MMD2: variants seen among roughly 807,000 people sequenced by gnomAD.
MMD2 encodes monocyte to macrophage differentiation factor 2.
Under a neutral mutation model 33.5 loss-of-function variants are expected in MMD2, and 30 were observed. The observed-to-expected ratio is 0.90, with a 90% CI of 0.67 to 1.22. The LOEUF (loss-of-function observed/expected upper bound fraction) is 1.22, where lower values mean the gene tolerates loss of function less well. Among genes scored for constraint, MMD2 ranks in the 50% most tolerant of loss-of-function variants. The pLI is 0.00. For missense variants in MMD2, 364 were observed against 325.4 expected (o/e 1.12, Z -0.91); for synonymous variants, 129 against 123.0 (o/e 1.05, Z -0.32).
At chr7:4,908,781 C>T (rs535458543) in intron 6 of MMD2, among the ~76,000 whole-genome samples, 99 of 151,702 alleles carry the variant, frequency 6.5e-4, no homozygotes, top group Non-Finnish European at 1.1e-3. Context: ...CCTGTAATCC[C>T]AGCTACTCAG....
intron 6 of MMD2, among the ~76,000 whole-genome samples, chr7:4,908,665 A>G (rs917731466): frequency 2.6e-5 from 4 of 151,394 alleles, no homozygotes; most frequent in East Asian, 2.0e-4. Context: ...TTTGGAGGCT[A>G]AGGAGGGCGG....
chr7:4,928,277 C>T (rs752090361), intron 1 of MMD2, among the ~76,000 whole-genome samples: 1 of 152,172 alleles, frequency 6.6e-6, no homozygotes, highest in Non-Finnish European at 1.5e-5. Flanking sequence ...ATATGGGTCA[C>T]TAAGCATTTA....
intron 1 of MMD2, among the ~76,000 whole-genome samples, chr7:4,957,270 A>G (rs1437893738): frequency 1.3e-5 from 2 of 151,824 alleles, no homozygotes; most frequent in Non-Finnish European, 2.9e-5. Flanking sequence ...GCTCAAGCCC[A>G]GGAATTTGAG....
At chr7:4,904,806 A>T (rs1476081337), downstream of MMD2, among the ~76,000 whole-genome samples, 1 of 152,136 alleles carries the variant, frequency 6.6e-6, no homozygotes, top group African/African-American at 2.4e-5. Flanking sequence ...GTCCAGCAAG[A>T]CACAGTCCCT....
At chr7:4,952,140 A>G (rs1786262050) in intron 1 of MMD2, among the ~76,000 whole-genome samples, 1 of 152,220 alleles carries the variant, frequency 6.6e-6, no homozygotes, top group Non-Finnish European at 1.5e-5. Flanking sequence ...CCCTTGGGGA[A>G]CACAAGAGGG....
At chr7:4,920,040 G>C (rs905114832) in intron 3 of MMD2, 131 bp downstream of exon 3, 13 of 1,119,572 alleles carry the variant, frequency 1.2e-5, no homozygotes, top group Non-Finnish European at 1.4e-5. Context: ...AAGTCGCCCA[G>C]CCCAGCCCCT....
At chr7:4,913,770 T>C (rs1264742661) in intron 4 of MMD2, among the ~76,000 whole-genome samples, 2 of 146,706 alleles carry the variant, frequency 1.4e-5, no homozygotes, top group Admixed American at 6.9e-5. Flanking sequence ...CAAGCCATTC[T>C]CCTGCCTTAG....
chr7:4,909,927 C>A lies in MMD2; in HGVS notation c.491G>T (p.Cys164Phe). 2 of 1,613,924 alleles carry A rather than the reference C, an allele frequency of 1.2e-6. No individual in the cohort carries two copies. Among genetic ancestry groups the A allele is most frequent in the Non-Finnish European group, 1.7e-6 (2 of 1,179,894 alleles). ...GGGGAAGAAGCCCATTACGACGTAG[C>A]AGAGAAGCTCCACAAGCTTGTACCT... ...HERYKLVELL[C>F]YVVMGFFPAL... Residue 164 changes from cysteine (C) to phenylalanine (F), a missense_variant, in exon 6 of 7, where the codon TGC becomes TTC. Cys to Phe is a radical substitution (Grantham distance 205, BLOSUM62 -2). Transcript: ENST00000401401.
intron 1 of MMD2, 84 bp downstream of exon 1, chr7:4,958,887 C>T (rs1786461554): frequency 8.5e-7 from 1 of 1,171,472 alleles, no homozygotes. Flanking sequence ...GGCGGCGGGG[C>T]CCGAGAACCA....
chr7:4,941,386 T>C (rs1785904785), intron 1 of MMD2, among the ~76,000 whole-genome samples: 1 of 152,188 alleles, frequency 6.6e-6, no homozygotes, highest in African/African-American at 2.4e-5. Flanking sequence ...TCCCAGCACT[T>C]TGGGAGGCCG....
intron 3 of MMD2, among the ~76,000 whole-genome samples, chr7:4,916,834 G>A (rs963135541): frequency 1.3e-5 from 2 of 152,122 alleles, no homozygotes; most frequent in Non-Finnish European, 2.9e-5. Flanking sequence ...GCGTTGGGAG[G>A]CTGAGGCAAG....
At chr7:4,925,592 C>A in intron 1 of MMD2, 60 bp from the exon 2 acceptor site, 1 of 1,372,630 alleles carries the variant, frequency 7.3e-7, no homozygotes, top group Non-Finnish European at 9.9e-7. Context: ...ATCCGAATTC[C>A]CAGGAAGCCT....
chr7:4,914,601 G>C (rs564720465), intron 4 of MMD2, among the ~76,000 whole-genome samples: 1 of 152,262 alleles, frequency 6.6e-6, no homozygotes, highest in African/African-American at 2.4e-5. Context: ...GCACAGGGCA[G>C]TGCCCAGTCA....
chr7:4,944,134 G>C (rs1042950254), intron 1 of MMD2, among the ~76,000 whole-genome samples: 5 of 151,420 alleles, frequency 3.3e-5, no homozygotes, highest in Non-Finnish European at 5.9e-5. Context: ...AATTAGCTGG[G>C]TATGGTGGCA....
chr7:4,947,567 G>A (rs59188861), intron 1 of MMD2, among the ~76,000 whole-genome samples: 28,299 of 148,714 alleles, frequency 0.19, 3,342 homozygotes, highest in African/African-American at 0.33. Flanking sequence ...CTACTTTTTT[G>A]TATTTTTAGT....
intron 1 of MMD2, among the ~76,000 whole-genome samples, chr7:4,936,888 C>T (rs1367383976): frequency 6.6e-6 from 1 of 151,748 alleles, no homozygotes; most frequent in East Asian, 2.0e-4. Context: ...GTGTTTGCCA[C>T]TACACCTGGC....
rs1784994301 is a variant in MMD2 at position 4,911,090 on chromosome 7, A to AG, written c.467+54dup. 7.8e-6 allele frequency: 11 copies of AG among 1,410,586 alleles called. No individual in the cohort carries two copies. In the Admixed American group the frequency reaches 1.8e-4, roughly 23 times the overall value. The allele number at this position is 1,410,586 out of a possible 1,614,324, so 87.4% of individuals were successfully genotyped here. On this transcript the variant is annotated intron_variant, in intron 5 of 6. Coordinates refer to ENST00000401401, the MANE Select transcript of MMD2 (RefSeq NM_198403.4). ...TCTCGGCAGCCCAGGAGTGCTGGGG[A>AG]GGCCAGAGCATCTAAGGGAATCCCG...
At chr7:4,950,318 G>A (rs1364127339) in intron 1 of MMD2, among the ~76,000 whole-genome samples, 2 of 152,118 alleles carry the variant, frequency 1.3e-5, no homozygotes, top group Non-Finnish European at 2.9e-5. Flanking sequence ...GTCTGGTCTT[G>A]AACTCCCTAC....
chr7:4,951,162 C>T (rs1583402742), intron 1 of MMD2, among the ~76,000 whole-genome samples: 2 of 152,262 alleles, frequency 1.3e-5, no homozygotes, highest in African/African-American at 2.4e-5. Context: ...AGCCTGCCTG[C>T]AGCCCTATCC....
Sources: gnomAD v4.1 joint callset for allele counts (sites outside exome capture counted in the v4.1 genomes callset) on GRCh38, gnomAD v4.1.1 for gene constraint, MANE v1.5 for transcripts, NCBI Gene and HGNC (gene_info 2026-07-23, HGNC 2026-07-21) for gene names.